The following SNRPN variants were observed in gnomAD, a reference collection of about 807,000 sequenced individuals.
SNRPN encodes the protein small nuclear ribonucleoprotein-associated protein N.
SNRPN carries 7 observed loss-of-function variants against 25.2 expected under a neutral mutation model. That is an observed-to-expected ratio of 0.28 (90% CI 0.16 to 0.52). The LOEUF is 0.52. SNRPN is among the 20% of genes least tolerant of loss of function. The pLI is 0.96. For synonymous variants in SNRPN, 124 were observed against 110.6 expected, an observed-to-expected ratio of 1.12 and a Z score of -0.76; for missense variants, 196 against 322.5, an observed-to-expected ratio of 0.61 and a Z score of 3.00.
At chr15:24,901,698 G>A (rs1379302043) in intron 2 of SNRPN, among the ~76,000 whole-genome samples, 1 of 152,176 alleles carries the variant, frequency 6.6e-6, no homozygotes, top group East Asian at 1.9e-4. Context: ...GAATAATGAA[G>A]ATTAACTATC....
chr15:24,835,063 TATATAGTATATATATCTATATATAAA>T (rs1457557066), intron 2 of SNRPN, among the ~76,000 whole-genome samples: 2 of 54,324 alleles, frequency 3.7e-5, no homozygotes, highest in African/African-American at 5.1e-5. Flanking sequence ...AAAATATAGA[TATATAGTATATATATCTATATATAAA>T]ATATATAGAT....
chr15:24,831,814 T>C (rs2050549548), intron 2 of SNRPN, among the ~76,000 whole-genome samples: 1 of 152,138 alleles, frequency 6.6e-6, no homozygotes, highest in Non-Finnish European at 1.5e-5. Context: ...TTCTCCCTTT[T>C]TAAGGCCGAT....
At chr15:24,884,173 T>C (rs986137095) in intron 1 of SNRPN, among the ~76,000 whole-genome samples, 8 of 100,570 alleles carry the variant, frequency 8.0e-5, no homozygotes, top group African/African-American at 3.3e-4. Flanking sequence ...AAGATCTATA[T>C]ACACACACAC....
At chr15:24,888,328 G>A (rs921632781) in intron 2 of SNRPN, among the ~76,000 whole-genome samples, 1 of 151,952 alleles carries the variant, frequency 6.6e-6, no homozygotes, top group Non-Finnish European at 1.5e-5. Flanking sequence ...GGCTGGTCTC[G>A]AACTCCAGAC....
At chr15:24,939,757 T>G (rs2061436932) in intron 3 of SNRPN, among the ~76,000 whole-genome samples, 1 of 151,214 alleles carries the variant, frequency 6.6e-6, no homozygotes, top group African/African-American at 2.4e-5. Flanking sequence ...ATCAGGTTTT[T>G]TTTTTTTTTA....
intron 1 of SNRPN, among the ~76,000 whole-genome samples, chr15:24,955,816 G>A (rs1250100707): frequency 1.3e-5 from 2 of 151,096 alleles, no homozygotes; most frequent in Admixed American, 6.6e-5. Flanking sequence ...GTGGACTTTG[G>A]CGGCGGTAGG....
At chr15:24,855,592 C>T (rs1037034543), upstream of SNRPN, among the ~76,000 whole-genome samples, 8 of 151,980 alleles carry the variant, frequency 5.3e-5, no homozygotes, top group African/African-American at 9.7e-5. Context: ...AAGTTTGAGA[C>T]CAGCCTGGCC....
intron 3 of SNRPN, among the ~76,000 whole-genome samples, chr15:24,970,819 T>G: frequency 6.6e-6 from 1 of 152,222 alleles, no homozygotes; most frequent in East Asian, 1.9e-4. Flanking sequence ...TTTTTTTGTT[T>G]TTGTTAAATA....
intron 1 of SNRPN, 41 bp downstream of exon 1, chr15:24,955,103 G>T (rs750840899): frequency 1.9e-6 from 3 of 1,613,198 alleles, no homozygotes; most frequent in Admixed American, 3.3e-5. Context: ...ACAGCCTGGG[G>T]AGCGGCCACT....
chr15:24,892,884 C>A (rs1222977508), intron 2 of SNRPN, among the ~76,000 whole-genome samples: 2 of 151,736 alleles, frequency 1.3e-5, no homozygotes. Flanking sequence ...AGATCCGGAT[C>A]AAAAGGAGAG....
chr15:24,934,676 C>T (rs773760725), intron 3 of SNRPN, among the ~76,000 whole-genome samples: 6 of 152,162 alleles, frequency 3.9e-5, no homozygotes, highest in Non-Finnish European at 7.3e-5. Context: ...CTATCTCAGC[C>T]TTCTGAGTAG....
chr15:24,887,816 T>C (rs1473978246), intron 2 of SNRPN, among the ~76,000 whole-genome samples: 1 of 151,982 alleles, frequency 6.6e-6, no homozygotes, highest in African/African-American at 2.4e-5. Flanking sequence ...CTGTGTCCGC[T>C]GGGGAGGTCC....
chr15:24,908,052 C>CAAAAAAAAAAAAA (rs71127014), intron 2 of SNRPN, among the ~76,000 whole-genome samples: 3 of 70,708 alleles, frequency 4.2e-5, no homozygotes, highest in East Asian at 4.1e-4. Flanking sequence ...GACTCCATCT[C>CAAAAAAAAAAAAA]AAAAAAAAAA....
intron 1 of SNRPN, among the ~76,000 whole-genome samples, chr15:24,864,689 C>T (rs4906925): frequency 0.32 from 48,904 of 151,512 alleles, 9,075 homozygotes; most frequent in African/African-American, 0.49. Flanking sequence ...AGATACATTT[C>T]CCCCCTATGC....
chr15:24,919,683 A>G (rs2059924607), intron 2 of SNRPN, among the ~76,000 whole-genome samples: 1 of 152,164 alleles, frequency 6.6e-6, no homozygotes, highest in Non-Finnish European at 1.5e-5. Context: ...AGGGTGATCA[A>G]ACATCACTTG....
rs768601252 is a variant in SNRPN, at chr15:24,976,862, A to G, written c.268-15A>G. 3.7e-6 allele frequency: 6 copies of G among 1,603,784 alleles called. No homozygotes were observed. In the Admixed American group the frequency reaches 8.7e-5, roughly 23 times the overall value. On this transcript the variant is annotated splice_polypyrimidine_tract_variant and intron_variant, in intron 6 of 9. Transcript: ENST00000390687. ...TAAATTGTTTGATTTTAGGCTATGAATTTTCTTGTTTCAGACTGGCATTGC... is the reference window on the plus strand; with the variant it reads ...TAAATTGTTTGATTTTAGGCTATGAGTTTTCTTGTTTCAGACTGGCATTGC...
At chr15:24,941,820 C>T (rs1000394703) in intron 3 of SNRPN, among the ~76,000 whole-genome samples, 1 of 151,706 alleles carries the variant, frequency 6.6e-6, no homozygotes, top group African/African-American at 2.4e-5. Flanking sequence ...ACTCTGTCAC[C>T]CAGGCTGCAG....
intron 1 of SNRPN, among the ~76,000 whole-genome samples, chr15:24,957,082 C>A (rs2153393067): frequency 6.6e-6 from 1 of 152,284 alleles, no homozygotes; most frequent in East Asian, 1.9e-4. Context: ...GACTTGTTAA[C>A]CCCTTTTTTT....
At chr15:24,895,928 T>G (rs4534820) in intron 2 of SNRPN, among the ~76,000 whole-genome samples, 129,795 of 152,180 alleles carry the variant, frequency 0.85, 55,829 homozygotes, top group East Asian at 0.99. Context: ...GGTCTTTCAA[T>G]CCAGATTTGG....
Sources: gnomAD v4.1 joint callset for allele counts (sites outside exome capture counted in the v4.1 genomes callset) on GRCh38, gnomAD v4.1.1 for gene constraint, MANE v1.5 for transcripts, NCBI Gene and HGNC (gene_info 2026-07-23, HGNC 2026-07-21) for gene names.